The following BLVRA variants were observed in gnomAD, a reference collection of about 807,000 sequenced individuals.
BLVRA encodes the protein BVR A.
In BLVRA, 22 loss-of-function variants were observed where a neutral mutation model predicts 32.8. The ratio of observed to expected loss-of-function variants is 0.67; its 90% CI spans 0.48 to 0.96. The LOEUF is 0.96. BLVRA is among the 40% of genes least tolerant of loss of function. BLVRA has a pLI of 0.00. For missense variants in BLVRA, 323 were observed against 358.1 expected (o/e 0.90, Z 0.79); for synonymous variants, 119 against 141.3 (o/e 0.84, Z 1.12).
intron 2 of BLVRA, among the ~76,000 whole-genome samples, chr7:43,774,530 T>A (rs2095758412): frequency 6.6e-6 from 1 of 152,214 alleles, no homozygotes; most frequent in Non-Finnish European, 1.5e-5. Context: ...CATGCTGTTT[T>A]GGTTACCGTA....
At chr7:43,772,037 G>A (rs149369593) in intron 2 of BLVRA, among the ~76,000 whole-genome samples, 5 of 152,318 alleles carry the variant, frequency 3.3e-5, no homozygotes, top group Non-Finnish European at 7.3e-5. Context: ...TCCTGTCACA[G>A]TGCAAGGGAT....
intron 2 of BLVRA, among the ~76,000 whole-genome samples, chr7:43,779,967 G>A (rs528055824): frequency 9.2e-5 from 14 of 151,762 alleles, no homozygotes; most frequent in Admixed American, 8.5e-4. Flanking sequence ...TCTGCCTCCC[G>A]GGTTCATGCG....
chr7:43,788,833 C>A (rs2095781723), intron 3 of BLVRA, among the ~76,000 whole-genome samples: 2 of 148,868 alleles, frequency 1.3e-5, no homozygotes, highest in African/African-American at 5.0e-5. Context: ...GAGACAGGGT[C>A]TCCCTATGTT....
At chr7:43,795,411 G>C (rs1344263460) in intron 5 of BLVRA, among the ~76,000 whole-genome samples, 1 of 151,968 alleles carries the variant, frequency 6.6e-6, no homozygotes, top group African/African-American at 2.4e-5. Flanking sequence ...AGCTACTGGG[G>C]AGGCTGAGGC....
chr7:43,788,263 G>A (rs575605650), intron 3 of BLVRA, among the ~76,000 whole-genome samples: 1 of 152,336 alleles, frequency 6.6e-6, no homozygotes, highest in South Asian at 2.1e-4. Flanking sequence ...ACAGAGGCAG[G>A]AGGGTGAGCT....
intron 1 of BLVRA, among the ~76,000 whole-genome samples, chr7:43,770,492 G>A (rs2095753399): frequency 6.6e-6 from 1 of 152,096 alleles, no homozygotes. Context: ...CCAGAAATAT[G>A]CATTTTCAAC....
chr7:43,800,465 GAA>G lies in BLVRA; in HGVS notation c.356_357del (p.Lys119SerfsTer8). On this transcript the variant is annotated frameshift_variant and splice_region_variant, in exon 6 of 8. Transcript: ENST00000265523. LOFTEE classifies it high-confidence loss of function. ...TTTTATTCCATTTTTGTCGTTACAG[GAA>G]AAGTCTTGCACGAGGAGCATGTTGA... 6.2e-7 allele frequency: 1 copy of G among 1,614,010 alleles called. No homozygotes were observed. The highest frequency in any genetic ancestry group is 8.5e-7 in the Non-Finnish European group (1 of 1,179,896).
intron 2 of BLVRA, among the ~76,000 whole-genome samples, chr7:43,783,793 T>A (rs1037667578): frequency 4.6e-5 from 7 of 152,218 alleles, no homozygotes; most frequent in African/African-American, 1.4e-4. Context: ...CCAACCAATG[T>A]GTTATCAAAC....
intron 6 of BLVRA, among the ~76,000 whole-genome samples, chr7:43,801,222 C>T (rs569346194): frequency 1.7e-3 from 252 of 152,312 alleles, no homozygotes; most frequent in Middle Eastern, 0.01. Flanking sequence ...ATCTCAAACT[C>T]CTGGGCTCAA....
At chr7:43,792,668 A>G (rs760975958) in intron 4 of BLVRA, 47 bp from the exon 5 acceptor site, 11 of 1,520,412 alleles carry the variant, frequency 7.2e-6, no homozygotes, top group Non-Finnish European at 9.1e-6. Flanking sequence ...ATTTCAGTGA[A>G]GCTTATTCGA....
chr7:43,806,160 A>C (rs1420648876), intron 7 of BLVRA, among the ~76,000 whole-genome samples: 1 of 152,184 alleles, frequency 6.6e-6, no homozygotes, highest in Non-Finnish European at 1.5e-5. Context: ...TAAAAATACA[A>C]AAATTAGCCA....
At chr7:43,773,200 CAT>C (rs1420970847) in intron 2 of BLVRA, among the ~76,000 whole-genome samples, 2 of 151,864 alleles carry the variant, frequency 1.3e-5, no homozygotes, top group Non-Finnish European at 2.9e-5. Context: ...AGGTTAGTTA[CAT>C]ATGTATACAT....
intron 3 of BLVRA, 67 bp from the exon 4 acceptor site, chr7:43,791,182 G>A (rs1157506487): frequency 6.2e-7 from 1 of 1,606,024 alleles, no homozygotes; most frequent in Non-Finnish European, 8.5e-7. Flanking sequence ...TCGGGAGGAG[G>A]GGAGAAGGAT....
chr7:43,770,359 C>T (rs545864886), intron 1 of BLVRA, among the ~76,000 whole-genome samples: 8 of 152,226 alleles, frequency 5.3e-5, no homozygotes, highest in African/African-American at 1.9e-4. Flanking sequence ...ACTGTCATTC[C>T]AGTGTTTGTC....
Position 43,780,491 on chromosome 7 carries a change from C to A in BLVRA, c.13-7413C>A, listed in dbSNP as rs995436267. Among the ~76,000 whole-genome samples the A allele has an allele frequency of 3.3e-5, 5 of 152,320 alleles. No homozygotes were observed. In the South Asian group the frequency reaches 1.0e-3, roughly 32 times the overall value. On this transcript the variant is annotated intron_variant, in intron 2 of 7. Transcript: ENST00000265523. ...TTATCGCTAAGTGGGACCACCATAT[C>A]TTTCCAGTCTGTCCCTTCCTTATCC...
intron 4 of BLVRA, chr7:43,791,651 C>T (rs1425819562): frequency 1.1e-5 from 4 of 370,764 alleles, no homozygotes; most frequent in East Asian, 1.2e-4. Flanking sequence ...AAAAACCCAT[C>T]GAGAGTAGTT....
At chr7:43,784,363 C>T (rs1027025624) in intron 2 of BLVRA, among the ~76,000 whole-genome samples, 2 of 152,112 alleles carry the variant, frequency 1.3e-5, no homozygotes, top group Admixed American at 6.5e-5. Context: ...AACCTGCGTG[C>T]ACTTTCCCCT....
At chr7:43,804,726 G>A (rs1414317503) in intron 7 of BLVRA, among the ~76,000 whole-genome samples, 1 of 152,094 alleles carries the variant, frequency 6.6e-6, no homozygotes, top group Non-Finnish European at 1.5e-5. Context: ...CTCATACCAG[G>A]TCTTTTTTAA....
intron 5 of BLVRA, among the ~76,000 whole-genome samples, chr7:43,797,922 T>C (rs1190855675): frequency 6.6e-6 from 1 of 152,058 alleles, no homozygotes; most frequent in East Asian, 1.9e-4. Flanking sequence ...CCAGGCATGG[T>C]GGCTCACACC....
Sources: allele counts gnomAD v4.1 joint callset (sites outside exome capture counted in the v4.1 genomes callset), GRCh38; gene constraint gnomAD v4.1.1; transcripts MANE v1.5; gene names NCBI Gene and HGNC (gene_info 2026-07-23, HGNC 2026-07-21).